The following CDH13 variants were observed in gnomAD, a reference collection of about 807,000 sequenced individuals.
CDH13 encodes cadherin 13, also known as cadherin-13.
Under a neutral mutation model 63.8 loss-of-function variants are expected in CDH13, and 24 were observed. The ratio of observed to expected loss-of-function variants is 0.38; its 90% CI spans 0.27 to 0.53. The LOEUF is 0.53. CDH13 is among the 20% of genes least tolerant of loss of function. The pLI is 0.85. For missense variants in CDH13, 1,049 were observed against 903.1 expected (o/e 1.16, Z -2.07); for synonymous variants, 503 against 355.3 (o/e 1.42, Z -4.67).
intron 12 of CDH13, among the ~76,000 whole-genome samples, chr16:83,780,548 C>T (rs1232394576): frequency 6.6e-6 from 1 of 152,174 alleles, no homozygotes. Context: ...GGCACAACTG[C>T]AGGTTTTTAC....
chr16:83,177,613 T>A (rs1298611349), intron 4 of CDH13, among the ~76,000 whole-genome samples: 1 of 152,210 alleles, frequency 6.6e-6, no homozygotes, highest in Admixed American at 6.5e-5. Flanking sequence ...GAGTCTCCAG[T>A]GAATGGGGAC....
intron 5 of CDH13, among the ~76,000 whole-genome samples, chr16:83,339,863 A>T (rs776783807): frequency 6.6e-6 from 1 of 152,160 alleles, no homozygotes; most frequent in South Asian, 2.1e-4. Flanking sequence ...ATTCCTAAAG[A>T]ATCTGATTTT....
At chr16:82,873,414 G>C (rs2040407634) in intron 2 of CDH13, among the ~76,000 whole-genome samples, 1 of 152,180 alleles carries the variant, frequency 6.6e-6, no homozygotes, top group African/African-American at 2.4e-5. Flanking sequence ...CATATGGAAT[G>C]CTGTAGCTGG....
chr16:83,298,998 A>G (rs2089667083), intron 5 of CDH13, among the ~76,000 whole-genome samples: 1 of 152,226 alleles, frequency 6.6e-6, no homozygotes, highest in Non-Finnish European at 1.5e-5. Flanking sequence ...AAAATACTAT[A>G]AAGCATGAGT....
intron 5 of CDH13, among the ~76,000 whole-genome samples, chr16:83,319,352 C>G (rs1475121152): frequency 6.6e-6 from 1 of 152,192 alleles, no homozygotes; most frequent in Admixed American, 6.5e-5. Flanking sequence ...GCAAAGGTAG[C>G]ATTCCGGTTT....
intron 8 of CDH13, among the ~76,000 whole-genome samples, chr16:83,669,354 T>G (rs1914297527): frequency 1.3e-5 from 2 of 152,228 alleles, no homozygotes; most frequent in African/African-American, 4.8e-5. Flanking sequence ...GATTCTAATG[T>G]GCAGACAGGG....
intron 4 of CDH13, among the ~76,000 whole-genome samples, chr16:83,128,272 G>A: frequency 6.6e-6 from 1 of 152,174 alleles, no homozygotes; most frequent in Non-Finnish European, 1.5e-5. Flanking sequence ...CCGGTCTTAA[G>A]CAGTCCTCCA....
rs147188562 is a variant in CDH13, at chr16:83,277,101, A to G, written c.636+59604A>G. Among the ~76,000 whole-genome samples, 3 of 152,256 alleles carry G rather than the reference A, an allele frequency of 2.0e-5. No individual in the cohort carries two copies. The East Asian group carries it at 5.8e-4, about 29-fold the overall frequency. ...GGTGGCAACACAGCCAAATCATATC[A>G]CAGAACTACCACAATACCTGTTACA... On this transcript the variant is annotated intron_variant, in intron 5 of 13. Transcript: ENST00000567109.
chr16:82,881,309 A>G (rs1020213604), intron 2 of CDH13, among the ~76,000 whole-genome samples: 1 of 152,060 alleles, frequency 6.6e-6, no homozygotes, highest in Non-Finnish European at 1.5e-5. Context: ...ATTGGTGTGT[A>G]GGAAGTTTAT....
chr16:82,846,887 A>G (rs577011148), intron 1 of CDH13, among the ~76,000 whole-genome samples: 1 of 152,372 alleles, frequency 6.6e-6, no homozygotes, highest in African/African-American at 2.4e-5. Context: ...CTAAAACAAT[A>G]GCAAAAAATA....
At chr16:83,181,888 CCTT>C (rs2038359237) in intron 4 of CDH13, among the ~76,000 whole-genome samples, 1 of 152,222 alleles carries the variant, frequency 6.6e-6, no homozygotes, top group Middle Eastern at 3.4e-3. Context: ...TCAGAACCAT[CCTT>C]CTAACTAGGT....
intron 2 of CDH13, among the ~76,000 whole-genome samples, chr16:83,007,165 G>T (rs1913612378): frequency 6.6e-6 from 1 of 151,984 alleles, no homozygotes. Context: ...AAGGTGATCT[G>T]CCCACCTCGG....
At chr16:83,149,793 C>G (rs570637942) in intron 4 of CDH13, among the ~76,000 whole-genome samples, 1 of 152,268 alleles carries the variant, frequency 6.6e-6, no homozygotes, top group Middle Eastern at 3.4e-3. Context: ...CATATCTCTT[C>G]CAAACTCTGT....
At chr16:83,094,753 G>A (rs1393977385) in intron 3 of CDH13, among the ~76,000 whole-genome samples, 1 of 152,212 alleles carries the variant, frequency 6.6e-6, no homozygotes, top group Non-Finnish European at 1.5e-5. Flanking sequence ...TCCCCTGAAA[G>A]TGTGGTTTAA....
chr16:83,735,618 G>T (rs1373164299), intron 10 of CDH13: 1 of 152,068 alleles, frequency 6.6e-6, no homozygotes, highest in East Asian at 1.9e-4. Context: ...GTGTCTTTCT[G>T]GGCTTGGCTT....
chr16:83,214,986 T>A (rs1293335236), intron 4 of CDH13, among the ~76,000 whole-genome samples: 1 of 150,992 alleles, frequency 6.6e-6, no homozygotes, highest in Non-Finnish European at 1.5e-5. Context: ...AGGCAGCAAG[T>A]AGAGGGGTCA....
At chr16:82,928,154 G>A (rs1197925778) in intron 2 of CDH13, among the ~76,000 whole-genome samples, 1 of 96,462 alleles carries the variant, frequency 1.0e-5, no homozygotes, top group Non-Finnish European at 2.2e-5. Flanking sequence ...TATAAAGTAG[G>A]CAGTCGTGTA....
intron 10 of CDH13, among the ~76,000 whole-genome samples, chr16:83,727,696 A>ATTT (rs1172101946): frequency 6.6e-6 from 1 of 152,168 alleles, no homozygotes; most frequent in Non-Finnish European, 1.5e-5. Flanking sequence ...AGGCCAAAAA[A>ATTT]GTCTTAGGCT....
intron 2 of CDH13, among the ~76,000 whole-genome samples, chr16:83,003,812 C>T (rs1445754698): frequency 6.6e-6 from 1 of 152,218 alleles, no homozygotes; most frequent in Non-Finnish European, 1.5e-5. Flanking sequence ...GTGAACAGGG[C>T]TTAACCAGTG....
Sources: gnomAD v4.1 joint callset for allele counts (sites outside exome capture counted in the v4.1 genomes callset) on GRCh38, gnomAD v4.1.1 for gene constraint, MANE v1.5 for transcripts, NCBI Gene and HGNC (gene_info 2026-07-23, HGNC 2026-07-21) for gene names.